Variants in PPP3CA observed in about 807,000 individuals in gnomAD.
PPP3CA encodes CAM-PRP catalytic subunit.
Under a neutral mutation model 66.5 loss-of-function variants are expected in PPP3CA, and 14 were observed. The ratio of observed to expected loss-of-function variants is 0.21; its 90% CI spans 0.14 to 0.33. PPP3CA has a LOEUF of 0.33. PPP3CA is among the 10% of genes least tolerant of loss of function. The pLI is 1.00. For synonymous variants in PPP3CA, 232 were observed against 226.2 expected (o/e 1.03, Z -0.23); for missense variants, 317 against 639.5 (o/e 0.50, Z 5.44).
chr4:101,138,504 G>C (rs1348921548), intron 2 of PPP3CA, among the ~76,000 whole-genome samples: 1 of 152,118 alleles, frequency 6.6e-6, no homozygotes, highest in Non-Finnish European at 1.5e-5. Flanking sequence ...GAAGTGTTTT[G>C]TATTTTGGAT....
chr4:101,081,780 C>T (rs1729450747), intron 7 of PPP3CA, among the ~76,000 whole-genome samples: 1 of 152,098 alleles, frequency 6.6e-6, no homozygotes, highest in African/African-American at 2.4e-5. Context: ...AAAATGCCCC[C>T]TTAAAAACCT....
intron 1 of PPP3CA, among the ~76,000 whole-genome samples, chr4:101,257,030 A>G (rs1174545796): frequency 6.6e-6 from 1 of 151,904 alleles, no homozygotes; most frequent in Non-Finnish European, 1.5e-5. Context: ...GAATCTTAGT[A>G]TTTCTTATTA....
chr4:101,036,036 G>T (rs553489367), intron 11 of PPP3CA, among the ~76,000 whole-genome samples: 1 of 152,202 alleles, frequency 6.6e-6, no homozygotes, highest in South Asian at 2.1e-4. Context: ...ATGACTAGTC[G>T]AATTAAGATG....
rs200443285 is a variant in PPP3CA, at chr4:101,085,859, G to C, written c.783-2596C>G. ...ATACACACACACACACACACACACA[G>C]AGAGAGAGAGAGAGAAAGAGCGAGA... On this transcript the variant is annotated intron_variant, in intron 6 of 13. Transcript: ENST00000394854. Among the ~76,000 whole-genome samples, 470 of 99,086 alleles carry C rather than the reference G, an allele frequency of 4.7e-3. 2 individuals are homozygous for C. Among genetic ancestry groups the C allele is most frequent in the South Asian group, 5.9e-3 (22 of 3,744 alleles). 65.0% of individuals were successfully genotyped at this position (99,086 alleles called of 152,430 possible).
At chr4:101,242,511 T>C (rs916369665) in intron 1 of PPP3CA, among the ~76,000 whole-genome samples, 1 of 144,874 alleles carries the variant, frequency 6.9e-6, no homozygotes, top group Non-Finnish European at 1.5e-5. Context: ...TTGAGATTGT[T>C]CAGTAAGGAA....
chr4:101,326,475 C>T (rs1259289040), intron 1 of PPP3CA, among the ~76,000 whole-genome samples: 6 of 152,082 alleles, frequency 3.9e-5, no homozygotes, highest in African/African-American at 1.2e-4. Flanking sequence ...CAAATAGCTC[C>T]AATTTTAAGA....
chr4:101,076,748 G>T (rs1578424271), intron 8 of PPP3CA, among the ~76,000 whole-genome samples: 1 of 152,202 alleles, frequency 6.6e-6, no homozygotes, highest in African/African-American at 2.4e-5. Context: ...ATAAGAAACT[G>T]AGGAATAAGG....
chr4:101,346,877 A>ACGCCAACGCCGC lies in PPP3CA; in HGVS notation c.-82_-81insGCGGCGTTGGCG, dbSNP rs1553944293. 3.9e-6 allele frequency: 5 copies of ACGCCAACGCCGC among 1,292,942 alleles called. 1 individual carries two copies. Among genetic ancestry groups the ACGCCAACGCCGC allele is most frequent in the African/African-American group, 3.3e-5 (2 of 61,168 alleles). The allele number at this position is 1,292,942 out of a possible 1,614,324, so 80.1% of individuals were successfully genotyped here. A position where few individuals can be genotyped will look rare whatever the true frequency, so the allele number is the denominator to read the frequency against. On this transcript the variant is annotated 5_prime_UTR_variant, in exon 1 of 14. Transcript: ENST00000394854. ...ACCGGACCGGCGGGCCAGACACTCA[A>ACGCCAACGCCGC]CGCCGCCGCCGCCGCCGCCGCCGCC...
chr4:101,189,076 T>G (rs1724505322), intron 2 of PPP3CA, among the ~76,000 whole-genome samples: 1 of 152,096 alleles, frequency 6.6e-6, no homozygotes, highest in African/African-American at 2.4e-5. Flanking sequence ...ATCTCATGTG[T>G]CTGTGTCCAA....
chr4:101,294,168 C>A, intron 1 of PPP3CA, among the ~76,000 whole-genome samples: 1 of 152,160 alleles, frequency 6.6e-6, no homozygotes, highest in East Asian at 1.9e-4. Context: ...TGGCTGAGGT[C>A]ATAAGAATCA....
intron 2 of PPP3CA, among the ~76,000 whole-genome samples, chr4:101,193,477 G>C (rs896761420): frequency 1.4e-5 from 2 of 145,892 alleles, no homozygotes; most frequent in Non-Finnish European, 3.0e-5. Context: ...TTAGCTGAAA[G>C]AAAAAAAAAA....
intron 1 of PPP3CA, among the ~76,000 whole-genome samples, chr4:101,231,336 A>T (rs192209504): frequency 6.6e-6 from 1 of 151,834 alleles, no homozygotes; most frequent in Non-Finnish European, 1.5e-5. Context: ...AGACTCCATG[A>T]TTTTATCTGT....
At chr4:101,195,517 G>C (rs1724761299) in intron 2 of PPP3CA, among the ~76,000 whole-genome samples, 1 of 151,904 alleles carries the variant, frequency 6.6e-6, no homozygotes, top group Non-Finnish European at 1.5e-5. Context: ...ATCAGTCTGG[G>C]GATCACACTT....
Position 101,275,846 on chromosome 4 carries a change from CTG to C in PPP3CA, c.58+70891_58+70892del, listed in dbSNP as rs543310575. ...TGTGGTTTTTTTCGCTTTTTGTTTT[CTG>C]TGTGTATGTGTGGTTTTTTTTTTGT... On this transcript the variant is annotated intron_variant, in intron 1 of 13. Transcript: ENST00000394854. Among the ~76,000 whole-genome samples the C allele has an allele frequency of 6.6e-4, 96 of 145,866 alleles. 1 individual carries two copies. Among genetic ancestry groups the C allele is most frequent in the African/African-American group, 2.4e-3 (94 of 39,328 alleles).
chr4:101,209,433 C>T (rs1725234921), intron 1 of PPP3CA, among the ~76,000 whole-genome samples: 1 of 152,074 alleles, frequency 6.6e-6, no homozygotes, highest in Non-Finnish European at 1.5e-5. Context: ...AATCAGTCAC[C>T]CAACCTCTTC....
chr4:101,173,439 G>C (rs779471423), intron 2 of PPP3CA, among the ~76,000 whole-genome samples: 2 of 151,806 alleles, frequency 1.3e-5, no homozygotes, highest in Non-Finnish European at 2.9e-5. Context: ...ACACTAGGTC[G>C]TTTCTGCAAT....
At chr4:101,193,264 A>G (rs1185668581) in intron 2 of PPP3CA, among the ~76,000 whole-genome samples, 1 of 152,238 alleles carries the variant, frequency 6.6e-6, no homozygotes, top group Non-Finnish European at 1.5e-5. Context: ...TTGGATCACC[A>G]AAATGTGTTG....
At chr4:101,182,749 C>T (rs188308611) in intron 2 of PPP3CA, among the ~76,000 whole-genome samples, 3 of 152,162 alleles carry the variant, frequency 2.0e-5, no homozygotes, top group Non-Finnish European at 2.9e-5. Flanking sequence ...TGAATTCCGA[C>T]GTGTTGTGGG....
At chr4:101,114,911 T>C (rs1721792158) in intron 2 of PPP3CA, among the ~76,000 whole-genome samples, 1 of 152,002 alleles carries the variant, frequency 6.6e-6, no homozygotes, top group South Asian at 2.1e-4. Context: ...TGGAAAGCTA[T>C]AAAGCTTTGA....
Sources: allele counts gnomAD v4.1 joint callset (sites outside exome capture counted in the v4.1 genomes callset), GRCh38; gene constraint gnomAD v4.1.1; transcripts MANE v1.5; gene names NCBI Gene and HGNC (gene_info 2026-07-23, HGNC 2026-07-21).